Variants in SLC2A7 observed in about 807,000 individuals in gnomAD.
SLC2A7 encodes the protein solute carrier family 2, facilitated glucose transporter member 7.
A neutral mutation model predicts 50.5 loss-of-function variants in SLC2A7; 50 were observed. That is an observed-to-expected ratio of 0.99 (90% CI 0.79 to 1.25). The LOEUF (loss-of-function observed/expected upper bound fraction) is 1.25. Among genes scored for constraint, SLC2A7 ranks in the 50% most tolerant of loss-of-function variants. SLC2A7 has a pLI of 0.00. For synonymous variants in SLC2A7, 308 were observed against 300.4 expected (o/e 1.03, Z -0.26); for missense variants, 683 against 679.1 (o/e 1.01, Z -0.06).
chr1:9,018,526 G>T, intron 4 of SLC2A7, 151 bp from the exon 5 acceptor site: 1 of 1,145,050 alleles, frequency 8.7e-7, no homozygotes, highest in South Asian at 1.6e-5. Context: ...GTTTAGTTTG[G>T]ACTTACACCA....
At chr1:9,022,766 TA>T (rs1451421065) in intron 3 of SLC2A7, 151 bp downstream of exon 3, 3 of 1,014,218 alleles carry the variant, frequency 3.0e-6, no homozygotes, top group Non-Finnish European at 4.3e-6. Context: ...GGGACTGGTT[TA>T]AGGTCATGAT....
chr1:9,010,258 G>C lies in SLC2A7; in HGVS notation c.1015-14C>G, dbSNP rs759238853. The C allele has an allele frequency of 3.9e-6, 6 of 1,549,244 alleles. No individual in the cohort carries two copies. Among genetic ancestry groups the C allele is most frequent in the Non-Finnish European group, 5.2e-6 (6 of 1,145,848 alleles). On this transcript the variant is annotated splice_polypyrimidine_tract_variant and intron_variant, in intron 8 of 11. Transcript: ENST00000400906. ...CACAAGGACAGCCTGGAGGGGAAGG[G>C]GGACAGTGAGAAGCCGCCTTGGCCT...
rs201565103 is a variant in SLC2A7, at chr1:9,025,238, G to T, written c.52-164C>A. On this transcript the variant is annotated intron_variant, in intron 1 of 11. Transcript: ENST00000400906. Reference sequence around the variant, plus strand: ...GAGGTGGCGCAGGGCTGGGGCTTTTGGGGGCTGAGGTCTCTGCACGCATTC... The same window carrying T: ...GAGGTGGCGCAGGGCTGGGGCTTTTTGGGGCTGAGGTCTCTGCACGCATTC... Among the ~76,000 whole-genome samples the T allele has an allele frequency of 1.8e-4, 27 of 152,294 alleles. No homozygotes were observed. In the East Asian group the frequency reaches 5.0e-3, roughly 28 times the overall value.
chr1:9,016,332 T>A (rs760288799), intron 5 of SLC2A7, among the ~76,000 whole-genome samples: 1 of 152,138 alleles, frequency 6.6e-6, no homozygotes, highest in African/African-American at 2.4e-5. Flanking sequence ...CGGCCGGGCA[T>A]AGTGGCTCAT....
intron 11 of SLC2A7, 54 bp downstream of exon 11, chr1:9,004,698 A>G (rs1161322387): frequency 6.2e-7 from 1 of 1,603,190 alleles, no homozygotes. Flanking sequence ...AGGGGAATAC[A>G]TCTTACTCCC....
intron 10 of SLC2A7, among the ~76,000 whole-genome samples, chr1:9,005,765 GA>G (rs1640645000): frequency 7.3e-6 from 1 of 136,640 alleles, no homozygotes; most frequent in Admixed American, 7.7e-5. Context: ...CTGGGCAACA[GA>G]GTGAGACTCC....
Position 9,008,397 on chromosome 1 carries a change from C to A in SLC2A7, c.1117-1012G>T, listed in dbSNP as rs892671268. ...AGCGAGGCTGGCTGGGTTGGTGGGG[C>A]CGCCCTGGACCCGGTGTGAAGCGAG... On this transcript the variant is annotated intron_variant, in intron 9 of 11. Transcript: ENST00000400906. The surrounding 1 kb of genome is among the most constrained non-coding windows in gnomAD (Gnocchi z 5.9). 1.3e-5 allele frequency among the ~76,000 whole-genome samples: 2 copies of A among 152,118 alleles called. No homozygotes were observed. Among genetic ancestry groups the A allele is most frequent in the Admixed American group, 6.6e-5 (1 of 15,264 alleles).
chr1:9,017,301 C>T (rs1315395061), intron 5 of SLC2A7, among the ~76,000 whole-genome samples: 1 of 152,206 alleles, frequency 6.6e-6, no homozygotes, highest in Non-Finnish European at 1.5e-5. Flanking sequence ...GCCTGGGTGA[C>T]AGGGTGAGAC....
chr1:9,012,976 C>T (rs1008633517), intron 8 of SLC2A7, among the ~76,000 whole-genome samples: 4 of 152,130 alleles, frequency 2.6e-5, no homozygotes, highest in African/African-American at 7.2e-5. Context: ...CTGCAATCTC[C>T]ACCTCCCAAG....
At position 9,014,810 on chromosome 1, in the gene SLC2A7, C is replaced by T. The variant is rs78914166; in HGVS notation, c.774G>A (p.Ala258=). Residue 258 remains alanine (A), a synonymous_variant, in exon 7 of 12, where the codon GCG becomes GCA. Coordinates refer to ENST00000400906, the MANE Select transcript of SLC2A7 (RefSeq NM_207420.3). ...DMEAELEDMR[A]EARAERAEGH... ...CCTCGGCGCGCTCGGCCCGGGCCTC[C>T]GCACGCATGTCCTCCAGCTCGGCCT... The T allele has an allele frequency of 2.9e-3, 4,642 of 1,604,732 alleles. 115 individuals carry two copies. The African/African-American group carries it at 0.054, about 18-fold the overall frequency.
the SLC2A7 span, among the ~76,000 whole-genome samples, chr1:8,993,794 C>CT: frequency 1.0e-3 from 157 of 151,360 alleles, no homozygotes; most frequent in African/African-American, 3.5e-3. Context: ...TGCCCGGCTA[C>CT]TTTTTTTTTA....
chr1:9,006,702 C>T (rs1640657746), intron 10 of SLC2A7, among the ~76,000 whole-genome samples: 1 of 152,188 alleles, frequency 6.6e-6, no homozygotes, highest in Admixed American at 6.5e-5. Flanking sequence ...TCAAAATGAA[C>T]ATTCTTCAGG....
intron 5 of SLC2A7, among the ~76,000 whole-genome samples, chr1:9,015,948 C>T (rs1185272979): frequency 5.9e-5 from 9 of 151,508 alleles, no homozygotes; most frequent in South Asian, 2.1e-4. Context: ...CCAGGCTGGT[C>T]GTGAACTCTT....
chr1:9,018,036 G>A (rs1389335988), intron 5 of SLC2A7, among the ~76,000 whole-genome samples, 187 bp downstream of exon 5: 3 of 152,004 alleles, frequency 2.0e-5, no homozygotes, highest in Non-Finnish European at 4.4e-5. Flanking sequence ...CCATTCCTAA[G>A]CACGATTTGT....
At chr1:9,016,643 G>A (rs1640835058) in intron 5 of SLC2A7, among the ~76,000 whole-genome samples, 2 of 149,954 alleles carry the variant, frequency 1.3e-5, no homozygotes, top group South Asian at 4.3e-4. Context: ...GAGGGAAGAA[G>A]AGAGAGAGGA....
intron 9 of SLC2A7, among the ~76,000 whole-genome samples, chr1:9,009,691 C>G (rs111378287): frequency 6.6e-6 from 1 of 152,174 alleles, no homozygotes; most frequent in South Asian, 2.1e-4. Flanking sequence ...CTCCTGGGCT[C>G]AATGGGTCCT....
intron 3 of SLC2A7, among the ~76,000 whole-genome samples, chr1:9,022,332 ATC>A (rs1640923751): frequency 6.6e-6 from 1 of 152,178 alleles, no homozygotes; most frequent in Admixed American, 6.5e-5. Context: ...TGGCCTGTGC[ATC>A]TTTCCTTATC....
the SLC2A7 span, among the ~76,000 whole-genome samples, chr1:8,994,184 T>C: frequency 6.6e-6 from 1 of 152,144 alleles, no homozygotes; most frequent in South Asian, 2.1e-4. Context: ...TCCAAATGAG[T>C]GGGCTGACCT....
downstream of SLC2A7, among the ~76,000 whole-genome samples, chr1:9,000,523 G>A (rs181024192): frequency 2.0e-5 from 3 of 151,520 alleles, no homozygotes; most frequent in East Asian, 3.9e-4. Context: ...GGAGGCTGAG[G>A]CAGCTGAATC....
Sources: allele counts gnomAD v4.1 joint callset (sites outside exome capture counted in the v4.1 genomes callset), GRCh38; gene constraint gnomAD v4.1.1; non-coding constraint Gnocchi (gnomAD v3.1); transcripts MANE v1.5; gene names NCBI Gene and HGNC (gene_info 2026-07-23, HGNC 2026-07-21).